The following PRIM2 variants were observed in gnomAD, a reference collection of about 807,000 sequenced individuals.
The protein encoded by PRIM2 is DNA primase large subunit.
In PRIM2, 39 loss-of-function variants were observed where a neutral mutation model predicts 67.3. The observed-to-expected ratio is 0.58, with a 90% CI of 0.45 to 0.76. The LOEUF is 0.76. Among genes scored for constraint, PRIM2 ranks in the 30% least tolerant of loss-of-function variants. PRIM2 has a pLI of 0.00. For missense variants in PRIM2, 398 were observed against 598.7 expected (o/e 0.66, Z 3.50); for synonymous variants, 143 against 198.7 (o/e 0.72, Z 2.36).
intron 12 of PRIM2, among the ~76,000 whole-genome samples, chr6:57,622,964 A>C (rs1476450681): frequency 2.6e-5 from 4 of 152,190 alleles, no homozygotes; most frequent in Non-Finnish European, 5.9e-5. Flanking sequence ...AATCTGAGCT[A>C]CCTAAAAACT....
chr6:57,432,220 T>A (rs1447630342), intron 7 of PRIM2, among the ~76,000 whole-genome samples: 3 of 151,140 alleles, frequency 2.0e-5, no homozygotes, highest in African/African-American at 7.3e-5. Flanking sequence ...CTTTCCATTT[T>A]TGGGGGGGGT....
At chr6:57,240,091 GTTT>G in the PRIM2 span, among the ~76,000 whole-genome samples, 790 of 89,796 alleles carry the variant, frequency 8.8e-3, 4 homozygotes, top group African/African-American at 0.032. Context: ...TCAATAATCT[GTTT>G]TTTTTTTTTT....
At chr6:57,223,881 T>C in the PRIM2 span, among the ~76,000 whole-genome samples, 1 of 152,168 alleles carries the variant, frequency 6.6e-6, no homozygotes, top group Non-Finnish European at 1.5e-5. Flanking sequence ...GGTGGGAATG[T>C]AAAATGGTAC....
intron 5 of PRIM2, among the ~76,000 whole-genome samples, chr6:57,349,646 T>C (rs556856493): frequency 6.6e-6 from 1 of 152,310 alleles, no homozygotes; most frequent in Admixed American, 6.5e-5. Context: ...CTTTGCAGAT[T>C]CTCAGGTATG....
chr6:57,265,701 A>G, the PRIM2 span, among the ~76,000 whole-genome samples: 1 of 152,316 alleles, frequency 6.6e-6, no homozygotes, highest in South Asian at 2.1e-4. Context: ...ATTTTTTTAT[A>G]AAGAATTCTG....
the PRIM2 span, among the ~76,000 whole-genome samples, chr6:57,245,449 G>T: frequency 6.6e-6 from 1 of 152,108 alleles, no homozygotes; most frequent in African/African-American, 2.4e-5. Context: ...CAGTAAACTC[G>T]CAAGGTAGCC....
chr6:57,400,038 G>A (rs982698894), intron 7 of PRIM2, among the ~76,000 whole-genome samples: 1 of 152,252 alleles, frequency 6.6e-6, no homozygotes, highest in Admixed American at 6.5e-5. Context: ...CATACCATTG[G>A]GTCTTGCTTT....
intron 5 of PRIM2, among the ~76,000 whole-genome samples, chr6:57,343,734 T>A (rs1255871279): frequency 6.6e-6 from 1 of 152,190 alleles, no homozygotes; most frequent in Non-Finnish European, 1.5e-5. Context: ...ACGGGATTAA[T>A]AATCAGATGA....
chr6:57,243,259 AAGAAGGATAAGG>A, the PRIM2 span, among the ~76,000 whole-genome samples: 2 of 152,180 alleles, frequency 1.3e-5, no homozygotes, highest in Non-Finnish European at 2.9e-5. Context: ...ATGGGGAAAG[AAGAAGGATAAGG>A]AGTGTTTGTG....
chr6:57,287,027 T>C, the PRIM2 span, among the ~76,000 whole-genome samples: 1 of 152,204 alleles, frequency 6.6e-6, no homozygotes, highest in Non-Finnish European at 1.5e-5. Flanking sequence ...TCACTGGCCA[T>C]TAGAGAAATG....
intron 12 of PRIM2, among the ~76,000 whole-genome samples, chr6:57,626,312 G>A (rs1776948653): frequency 6.6e-6 from 1 of 152,188 alleles, no homozygotes; most frequent in African/African-American, 2.4e-5. Flanking sequence ...GTTATAAAAT[G>A]TTGTGTGTGT....
chr6:57,231,206 G>A, the PRIM2 span, among the ~76,000 whole-genome samples: 10 of 152,240 alleles, frequency 6.6e-5, no homozygotes, highest in East Asian at 1.5e-3. Flanking sequence ...TATGTGAGAT[G>A]GTCCAACTTA....
chr6:57,398,350 T>C (rs1467188265), intron 7 of PRIM2, among the ~76,000 whole-genome samples: 7 of 152,164 alleles, frequency 4.6e-5, no homozygotes, highest in Non-Finnish European at 8.8e-5. Flanking sequence ...ATATGTTGTA[T>C]CTTTGCCCTC....
chr6:57,571,858 T>C (rs1375803392), intron 10 of PRIM2, among the ~76,000 whole-genome samples: 42,051 of 152,062 alleles, frequency 0.28, 6,215 homozygotes, highest in East Asian at 0.44. Flanking sequence ...TGACAGAAAA[T>C]GTGCAAGGCA....
At chr6:57,372,049 C>T (rs1434162270) in intron 5 of PRIM2, among the ~76,000 whole-genome samples, 1 of 152,244 alleles carries the variant, frequency 6.6e-6, no homozygotes, top group Non-Finnish European at 1.5e-5. Context: ...CCTCAATTTA[C>T]ATACTCTACA....
At chr6:57,607,466 G>C (rs1776584876) in intron 12 of PRIM2, among the ~76,000 whole-genome samples, 3 of 152,162 alleles carry the variant, frequency 2.0e-5, no homozygotes, top group African/African-American at 7.2e-5. Context: ...AAGAGGTCAA[G>C]GAACCCTTTA....
chr6:57,500,532 A>C (rs1195447661), intron 7 of PRIM2, among the ~76,000 whole-genome samples: 1 of 152,254 alleles, frequency 6.6e-6, no homozygotes, highest in African/African-American at 2.4e-5. Flanking sequence ...AATGGAAGGC[A>C]GTGTTCCAAA....
At chr6:57,570,661 G>A (rs1331671385) in intron 10 of PRIM2, among the ~76,000 whole-genome samples, 1 of 152,162 alleles carries the variant, frequency 6.6e-6, no homozygotes, top group Non-Finnish European at 1.5e-5. Context: ...AGGTAAAACA[G>A]TGCCTAGAAC....
chr6:57,496,004 C>A (rs1333027017), intron 7 of PRIM2, among the ~76,000 whole-genome samples: 1 of 152,298 alleles, frequency 6.6e-6, no homozygotes, highest in East Asian at 1.9e-4. Context: ...CCTGGGCCTC[C>A]CTAAGTGCTG....
Sources: gnomAD v4.1 joint callset for allele counts (sites outside exome capture counted in the v4.1 genomes callset) on GRCh38, gnomAD v4.1.1 for gene constraint, MANE v1.5 for transcripts, NCBI Gene and HGNC (gene_info 2026-07-23, HGNC 2026-07-21) for gene names.